Variants in HIP1 observed in about 807,000 individuals in gnomAD.
The protein encoded by HIP1 is huntingtin interacting protein 1, also known as huntingtin-interacting protein 1.
HIP1 carries 65 observed loss-of-function variants against 147.6 expected under a neutral mutation model. That is an observed-to-expected ratio of 0.44 (90% CI 0.36 to 0.54). HIP1 has a LOEUF of 0.54. Among genes scored for constraint, HIP1 ranks in the 20% least tolerant of loss-of-function variants. The pLI, the probability that HIP1 is intolerant of heterozygous loss-of-function variation, is 0.00. For synonymous variants in HIP1, 479 were observed against 504.0 expected, an observed-to-expected ratio of 0.95 and a Z score of 0.67; for missense variants, 1,061 against 1,299.6, an observed-to-expected ratio of 0.82 and a Z score of 2.82.
At chr7:75,589,197 G>C (rs782243836) in intron 4 of HIP1, among the ~76,000 whole-genome samples, 2 of 151,418 alleles carry the variant, frequency 1.3e-5, no homozygotes, top group Non-Finnish European at 2.9e-5. Context: ...AAAGAAAACT[G>C]TACTAAATGA....
intron 23 of HIP1, 38 bp downstream of exon 23, chr7:75,548,853 A>AAGGC: frequency 7.0e-7 from 1 of 1,427,610 alleles, no homozygotes; most frequent in Non-Finnish European, 9.9e-7. Context: ...GGCAGCTGCA[A>AAGGC]AGGCATCGTT....
chr7:75,623,358 G>A (rs1359542212), intron 1 of HIP1, among the ~76,000 whole-genome samples: 4 of 152,120 alleles, frequency 2.6e-5, no homozygotes, highest in African/African-American at 9.7e-5. Context: ...GAGGAGGTGG[G>A]CTCAAGGTTT....
chr7:75,622,950 C>T (rs1797902943), intron 1 of HIP1, among the ~76,000 whole-genome samples: 1 of 151,850 alleles, frequency 6.6e-6, no homozygotes, highest in Non-Finnish European at 1.5e-5. Context: ...GTAATCCTAG[C>T]ACTTTGGGAA....
chr7:75,664,073 TACACAC>T (rs375754868), intron 1 of HIP1, among the ~76,000 whole-genome samples: 3 of 40,708 alleles, frequency 7.4e-5, no homozygotes, highest in African/African-American at 2.8e-4. Context: ...TATGTGTATA[TACACAC>T]ACATATACAC....
intron 16 of HIP1, 37 bp from the exon 17 acceptor site, chr7:75,556,848 G>A: frequency 8.4e-7 from 1 of 1,197,000 alleles, no homozygotes; most frequent in Non-Finnish European, 1.2e-6. Flanking sequence ...TCTGATCTGG[G>A]TGACAGTGAC....
chr7:75,724,350 C>T (rs1467371379), intron 1 of HIP1, among the ~76,000 whole-genome samples: 2 of 152,114 alleles, frequency 1.3e-5, no homozygotes, highest in South Asian at 2.1e-4. Flanking sequence ...CGGGTTCAAG[C>T]GATTCTCCTG....
chr7:75,609,483 T>C (rs1239173275), intron 1 of HIP1, among the ~76,000 whole-genome samples: 2 of 152,012 alleles, frequency 1.3e-5, no homozygotes, highest in African/African-American at 4.8e-5. Flanking sequence ...CCCTCCACCA[T>C]ACACGCTCCC....
chr7:75,698,428 TC>T (rs1800706335), intron 1 of HIP1, among the ~76,000 whole-genome samples: 1 of 152,172 alleles, frequency 6.6e-6, no homozygotes, highest in African/African-American at 2.4e-5. Flanking sequence ...GCAGTTCTAC[TC>T]TTGGAGCCCA....
chr7:75,579,121 A>G (rs1210665519), intron 7 of HIP1, among the ~76,000 whole-genome samples: 4 of 148,900 alleles, frequency 2.7e-5, no homozygotes, highest in African/African-American at 7.4e-5. Context: ...CCCGGCCCCA[A>G]TGCATTTTTT....
At chr7:75,545,066 C>G in intron 26 of HIP1, 22 bp downstream of exon 26, 1 of 1,441,624 alleles carries the variant, frequency 6.9e-7, no homozygotes, top group Non-Finnish European at 9.6e-7. Context: ...TGGGAGGACC[C>G]TTGGTACCAA....
At chr7:75,730,147 C>T (rs1480842069) in intron 1 of HIP1, among the ~76,000 whole-genome samples, 2 of 151,884 alleles carry the variant, frequency 1.3e-5, no homozygotes, top group African/African-American at 4.8e-5. Flanking sequence ...GAAGTGAGAA[C>T]AGAAACCATC....
chr7:75,617,177 C>T (rs999605485), intron 1 of HIP1, among the ~76,000 whole-genome samples: 11 of 151,194 alleles, frequency 7.3e-5, no homozygotes, highest in African/African-American at 9.7e-5. Context: ...CCGGCTCAAG[C>T]GATTCCCTTG....
chr7:75,652,269 A>T (rs1554512099), intron 1 of HIP1, among the ~76,000 whole-genome samples: 3 of 146,718 alleles, frequency 2.0e-5, no homozygotes. Flanking sequence ...GTGAGCTGAG[A>T]TTGCACCACT....
intron 1 of HIP1, chr7:75,626,088 C>T (rs1798025758): frequency 6.6e-6 from 1 of 152,016 alleles, no homozygotes; most frequent in African/African-American, 2.4e-5. Flanking sequence ...ACTTCCCAGC[C>T]CCCAGAACTG....
intron 1 of HIP1, among the ~76,000 whole-genome samples, chr7:75,650,470 T>TTTTTTTTTTTTTTA (rs1798936387): frequency 2.7e-5 from 4 of 147,926 alleles, no homozygotes; most frequent in Admixed American, 1.3e-4. Flanking sequence ...TTTTTTTTTT[T>TTTTTTTTTTTTTTA]GAGACAGAGT....
intron 1 of HIP1, among the ~76,000 whole-genome samples, chr7:75,725,309 C>T (rs1410457471): frequency 2.6e-5 from 4 of 152,064 alleles, no homozygotes; most frequent in Admixed American, 6.6e-5. Context: ...TACAGGCATG[C>T]GGCACCATGC....
In HIP1 at chr7:75,555,560, G is replaced by A. The variant is rs1794968441; in HGVS notation, c.1828-9C>T. On this transcript the variant is annotated splice_polypyrimidine_tract_variant and intron_variant, in intron 18 of 30. Coordinates refer to ENST00000336926, the MANE Select transcript of HIP1 (RefSeq NM_005338.7). Reference sequence around the variant, plus strand: ...AGCTGGCACATAGATTCCTAAAAATGGTCCAGGGAGGTGAGAGTCTGCCCT... The same window carrying A: ...AGCTGGCACATAGATTCCTAAAAATAGTCCAGGGAGGTGAGAGTCTGCCCT... The A allele has an allele frequency of 1.2e-6, 2 of 1,613,996 alleles. No homozygotes were observed. Among genetic ancestry groups the A allele is most frequent in the Admixed American group, 3.3e-5 (2 of 60,014 alleles).
chr7:75,604,478 A>G (rs1403978448), intron 1 of HIP1, among the ~76,000 whole-genome samples: 1 of 152,174 alleles, frequency 6.6e-6, no homozygotes, highest in Non-Finnish European at 1.5e-5. Context: ...GTTCAAGACC[A>G]GCCTGGGCAA....
At chr7:75,625,908 A>G (rs1798018920) in intron 1 of HIP1, 1 of 151,924 alleles carries the variant, frequency 6.6e-6, no homozygotes, top group South Asian at 2.1e-4. Context: ...CTGTCTCTTA[A>G]AAAAAAGAGG....
Sources: gnomAD v4.1 joint callset for allele counts (sites outside exome capture counted in the v4.1 genomes callset) on GRCh38, gnomAD v4.1.1 for gene constraint, MANE v1.5 for transcripts, NCBI Gene and HGNC (gene_info 2026-07-23, HGNC 2026-07-21) for gene names.